ARMC8: variants seen among roughly 807,000 people sequenced by gnomAD.
ARMC8 encodes armadillo repeat-containing protein 8.
A neutral mutation model predicts 99.3 loss-of-function variants in ARMC8; 20 were observed. The ratio of observed to expected loss-of-function variants is 0.20; its 90% CI spans 0.14 to 0.29. ARMC8 has a LOEUF of 0.29. Ranked by LOEUF, ARMC8 falls within the 10% of genes least tolerant of loss-of-function variation. The pLI, the probability that ARMC8 is intolerant of heterozygous loss-of-function variation, is 1.00. For synonymous variants in ARMC8, 263 were observed against 278.3 expected, an observed-to-expected ratio of 0.95 and a Z score of 0.55; for missense variants, 569 against 809.5, an observed-to-expected ratio of 0.70 and a Z score of 3.60.
rs569781747 is a variant in ARMC8 at position 138,191,326 on chromosome 3, A to C, written c.45+3727A>C. The stretch of plus-strand genomic sequence containing the variant: ...TTTCAACAAATTCATAAATTTCTGC[A>C]ATGTTTTCTATACTTTTGAATTATG... On this transcript the variant is annotated intron_variant, in intron 1 of 21. Transcript: ENST00000469044. Among the ~76,000 whole-genome samples the C allele has an allele frequency of 2.6e-5, 4 of 152,322 alleles. No individual in the cohort carries two copies. The South Asian group carries it at 8.3e-4, about 32-fold the overall frequency.
At chr3:138,255,536 G>C (rs760101855) in intron 12 of ARMC8, among the ~76,000 whole-genome samples, 1 of 152,140 alleles carries the variant, frequency 6.6e-6, no homozygotes, top group South Asian at 2.1e-4. Context: ...CATGGAGTTA[G>C]AAGAATTTGG....
rs1478574823 is a variant in ARMC8, at chr3:138,245,132, A to G, written c.1083A>G (p.Ala361=). The change falls in exon 12 of 22, where the codon GCA becomes GCG. Residue 361 remains alanine (A), a synonymous_variant. Coordinates refer to ENST00000469044, the MANE Select transcript of ARMC8 (RefSeq NM_001363941.2). ...ATGCTCACGAACTCCGCCAGGCTGC[A>G]TTCAAGCTCTATGCCTCTCTTGGAG... is the stretch of plus-strand genomic sequence containing the variant. ...LKHAHELRQA[A]FKLYASLGAN... 1.9e-6 allele frequency: 3 copies of G among 1,614,178 alleles called. No individual in the cohort carries two copies. Among genetic ancestry groups the G allele is most frequent in the Non-Finnish European group, 2.5e-6 (3 of 1,180,030 alleles).
chr3:138,239,317 C>T (rs2046487487), intron 9 of ARMC8, 151 bp from the exon 10 acceptor site: 1 of 549,368 alleles, frequency 1.8e-6, no homozygotes, highest in Non-Finnish European at 3.2e-6. Context: ...ATTGACTGAA[C>T]CTCCGAAAAG....
chr3:138,188,425 T>G, intron 1 of ARMC8: 1 of 1,547,690 alleles, frequency 6.5e-7, no homozygotes, highest in Non-Finnish European at 8.7e-7. Flanking sequence ...AAGACGACTT[T>G]CACCTTTCAC....
chr3:138,202,712 T>C (rs544744967), intron 1 of ARMC8, among the ~76,000 whole-genome samples: 1 of 152,326 alleles, frequency 6.6e-6, no homozygotes, highest in South Asian at 2.1e-4. Context: ...AATGCCAAAT[T>C]ATTTGTTCTT....
At chr3:138,263,949 AGTATATAACATT>A in intron 13 of ARMC8, 128 bp downstream of exon 13, 2 of 1,018,016 alleles carry the variant, frequency 2.0e-6, no homozygotes, top group Non-Finnish European at 3.1e-6. Flanking sequence ...GAATTCATAG[AGTATATAACATT>A]GTCTAACAGA....
At chr3:138,198,822 ATATTT>A (rs1168899500) in intron 1 of ARMC8, among the ~76,000 whole-genome samples, 1 of 151,890 alleles carries the variant, frequency 6.6e-6, no homozygotes, top group African/African-American at 2.4e-5. Context: ...ATATAGCCTT[ATATTT>A]TAGAGTTTTT....
At position 138,295,847 on chromosome 3, in the gene ARMC8, T is replaced by C; in HGVS notation, c.1989-12T>C. On this transcript the variant is annotated splice_polypyrimidine_tract_variant and intron_variant, in intron 21 of 21. Transcript: ENST00000469044. ...TCTGAGATGATGGCTAACAGGAATTTTGTGATTTCAGGGCAAAGATGGCAC... is the reference window on the plus strand; with the variant it reads ...TCTGAGATGATGGCTAACAGGAATTCTGTGATTTCAGGGCAAAGATGGCAC... 1 of 1,613,526 alleles carries C rather than the reference T, an allele frequency of 6.2e-7. No individual in the cohort carries two copies. Among genetic ancestry groups the C allele is most frequent in the Non-Finnish European group, 8.5e-7 (1 of 1,179,666 alleles).
intron 12 of ARMC8, chr3:138,262,429 C>T: frequency 8.1e-7 from 1 of 1,234,824 alleles, no homozygotes. Flanking sequence ...TGATATTTTC[C>T]CTGATCATTG....
intron 11 of ARMC8, 85 bp downstream of exon 11, chr3:138,242,068 C>G (rs776291755): frequency 2.3e-5 from 25 of 1,076,436 alleles, no homozygotes; most frequent in Non-Finnish European, 3.2e-5. Context: ...CAATTGATAA[C>G]TACAGCTTAA....
chr3:138,245,825 G>A, intron 12 of ARMC8: 1 of 985,826 alleles, frequency 1.0e-6, no homozygotes, highest in Non-Finnish European at 1.2e-6. Flanking sequence ...GAGGAGTATA[G>A]TGGTAAGTAA....
intron 1 of ARMC8, 148 bp from the exon 2 acceptor site, chr3:138,209,669 T>G: frequency 1.6e-6 from 1 of 638,906 alleles, no homozygotes; most frequent in South Asian, 2.1e-5. Context: ...GTATCCCATA[T>G]CATGAGGAGG....
rs370444146 is a variant in ARMC8, at chr3:138,263,817, G to A, written c.1213G>A (p.Val405Ile). The change falls in exon 13 of 22, where the codon GTC becomes ATC. Residue 405 changes from valine (V) to isoleucine (I), a missense_variant. Coordinates refer to ENST00000469044, the MANE Select transcript of ARMC8 (RefSeq NM_001363941.2). ...ESSVKVRLAAVRCLHSLSRSV... is the reference protein window; with the variant it reads ...ESSVKVRLAAIRCLHSLSRSV... Reference sequence around the variant, plus strand: ...TAGTGTCAAGGTGCGGTTAGCTGCCGTCAGGTATGAGCTTTAAATGGTCTG... The same window carrying A: ...TAGTGTCAAGGTGCGGTTAGCTGCCATCAGGTATGAGCTTTAAATGGTCTG... The A allele has an allele frequency of 1.1e-5, 17 of 1,613,508 alleles. No individual in the cohort carries two copies. Among genetic ancestry groups the A allele is most frequent in the Middle Eastern group, 3.3e-4 (2 of 6,082 alleles).
intron 18 of ARMC8, among the ~76,000 whole-genome samples, chr3:138,279,088 G>A (rs1236722186): frequency 2.0e-5 from 3 of 152,122 alleles, no homozygotes; most frequent in East Asian, 1.9e-4. Flanking sequence ...TATTTGTTTT[G>A]TTCCCAATAT....
intron 12 of ARMC8, among the ~76,000 whole-genome samples, chr3:138,250,954 T>C (rs2047094838): frequency 6.6e-6 from 1 of 151,946 alleles, no homozygotes; most frequent in African/African-American, 2.4e-5. Flanking sequence ...CGATACCAGC[T>C]TGGGGCAACA....
intron 18 of ARMC8, among the ~76,000 whole-genome samples, chr3:138,284,164 A>C (rs58033156): frequency 6.6e-6 from 1 of 152,254 alleles, no homozygotes; most frequent in Non-Finnish European, 1.5e-5. Flanking sequence ...GACCTATACA[A>C]AATAGCTGCC....
At chr3:138,192,275 CTT>C (rs372563436) in intron 1 of ARMC8, among the ~76,000 whole-genome samples, 1,503 of 130,552 alleles carry the variant, frequency 0.012, 11 homozygotes, top group African/African-American at 0.043. Context: ...TTTATTTATC[CTT>C]TTTTTTTTTT....
chr3:138,267,134 T>C (rs1192365067), intron 14 of ARMC8, 21 bp from the exon 15 acceptor site: 1 of 1,286,098 alleles, frequency 7.8e-7, no homozygotes, highest in Non-Finnish European at 1.1e-6. Flanking sequence ...TCATTAGTAG[T>C]ATCCTTTTTT....
chr3:138,234,030 T>G (rs990689960), intron 6 of ARMC8, among the ~76,000 whole-genome samples: 1 of 151,986 alleles, frequency 6.6e-6, no homozygotes, highest in South Asian at 2.1e-4. Flanking sequence ...GAAAACAGAA[T>G]TGATGAAAAA....
Sources: allele counts gnomAD v4.1 joint callset (sites outside exome capture counted in the v4.1 genomes callset), GRCh38; gene constraint gnomAD v4.1.1; transcripts MANE v1.5; gene names NCBI Gene and HGNC (gene_info 2026-07-23, HGNC 2026-07-21).